ZC3H13: variants seen among roughly 807,000 people sequenced by gnomAD.
The protein encoded by ZC3H13 is zinc finger CCCH domain-containing protein 13.
ZC3H13 carries 64 observed loss-of-function variants against 204.1 expected under a neutral mutation model. That is an observed-to-expected ratio of 0.31 (90% confidence interval 0.26 to 0.39). The LOEUF is 0.39. ZC3H13 is among the 10% of genes least tolerant of loss of function. ZC3H13 has a pLI of 1.00. For synonymous variants in ZC3H13, 667 were observed against 693.7 expected (o/e 0.96, Z 0.60); for missense variants, 1,833 against 2,082.7 (o/e 0.88, Z 2.33).
At chr13:45,985,269 T>G (rs1340884652) in intron 10 of ZC3H13, 28 bp downstream of exon 10, 2 of 1,549,116 alleles carry the variant, frequency 1.3e-6, no homozygotes, top group East Asian at 4.5e-5. Flanking sequence ...ATATAAGATA[T>G]AGTTCATAGA....
chr13:46,046,449 G>A (rs2043962863), intron 1 of ZC3H13, among the ~76,000 whole-genome samples: 2 of 147,590 alleles, frequency 1.4e-5, no homozygotes, highest in African/African-American at 5.1e-5. Context: ...ATGAGGTCAG[G>A]AGATCGAGAC....
intron 4 of ZC3H13, among the ~76,000 whole-genome samples, chr13:46,032,362 C>CAAAAAAAAA (rs11323386): frequency 4.0e-5 from 4 of 99,656 alleles, no homozygotes; most frequent in Non-Finnish European, 6.5e-5. Context: ...AGAAAAAGAC[C>CAAAAAAAAA]AAAAAAAAAA....
chr13:46,030,571 A>G (rs1319994630), intron 4 of ZC3H13, among the ~76,000 whole-genome samples: 1 of 152,198 alleles, frequency 6.6e-6, no homozygotes, highest in Non-Finnish European at 1.5e-5. Flanking sequence ...AGCAATCAAG[A>G]CTGCGGGTGG....
chr13:46,050,799 T>C (rs1297355199), intron 1 of ZC3H13, among the ~76,000 whole-genome samples: 1 of 139,836 alleles, frequency 7.2e-6, no homozygotes, highest in Non-Finnish European at 1.5e-5. Context: ...ACTGCAGTAC[T>C]ATGCAGAAAA....
chr13:46,008,327 A>C (rs1341950400), intron 7 of ZC3H13, among the ~76,000 whole-genome samples: 2 of 152,058 alleles, frequency 1.3e-5, no homozygotes, highest in Non-Finnish European at 2.9e-5. Context: ...TCCAAAAAAA[A>C]AAAAAGAAAA....
chr13:46,036,367 T>G (rs373289925), intron 4 of ZC3H13, among the ~76,000 whole-genome samples: 136 of 152,284 alleles, frequency 8.9e-4, no homozygotes, highest in African/African-American at 3.1e-3. Flanking sequence ...ACCTATAGAC[T>G]GAGAATTGAA....
intron 13 of ZC3H13, 50 bp downstream of exon 13, chr13:45,970,312 G>T: frequency 6.3e-7 from 1 of 1,579,290 alleles, no homozygotes; most frequent in South Asian, 1.1e-5. Context: ...ATGGTTTCAT[G>T]GTTACAAATG....
intron 16 of ZC3H13, among the ~76,000 whole-genome samples, chr13:45,964,685 T>A (rs1419040408): frequency 1.3e-5 from 2 of 152,054 alleles, no homozygotes; most frequent in East Asian, 1.9e-4. Context: ...AAAGAAAAGA[T>A]CCTCACTGTG....
In ZC3H13 at chr13:45,965,359, G is replaced by A. The variant is rs1951995473; in HGVS notation, c.4395C>T (p.Ile1465=). The A allele has an allele frequency of 6.2e-7, 1 of 1,613,520 alleles. No homozygotes were observed. The highest frequency in any genetic ancestry group is 1.3e-5 in the African/African-American group (1 of 74,958). Residue 1465 remains isoleucine, a synonymous_variant, in exon 16 of 19, where the codon ATC becomes ATT. Transcript: ENST00000679008. The part of the protein sequence containing the change: ...GSGAGEGYEP[I]SDDELDEILA... Reference sequence around the variant, plus strand: ...GAATTTCATCTAGTTCGTCATCACTGATTGGCTCGTATCCTTCTCCAGCAC... The same window carrying A: ...GAATTTCATCTAGTTCGTCATCACTAATTGGCTCGTATCCTTCTCCAGCAC...
At chr13:46,046,933 G>A (rs997652837) in intron 1 of ZC3H13, among the ~76,000 whole-genome samples, 6 of 152,026 alleles carry the variant, frequency 3.9e-5, no homozygotes, top group Non-Finnish European at 8.8e-5. Flanking sequence ...ACTATATCCC[G>A]CTTTATACAA....
intron 8 of ZC3H13, 92 bp downstream of exon 8, chr13:46,003,047 A>G: frequency 7.6e-7 from 1 of 1,307,454 alleles, no homozygotes. Flanking sequence ...AAACTAAAAA[A>G]CCCAATATGC....
At chr13:46,045,339 T>G in intron 2 of ZC3H13, 52 bp downstream of exon 2, 2 of 1,439,412 alleles carry the variant, frequency 1.4e-6, no homozygotes, top group Non-Finnish European at 1.9e-6. Flanking sequence ...AATAAGCATT[T>G]CAATAATAGA....
rs71184436 is a variant in ZC3H13 at position 46,051,996 on chromosome 13, G to GGAAAAAAA, written c.-10+407_-10+408insTTTTTTTC. 46 of 120,084 alleles carry GGAAAAAAA rather than the reference G, an allele frequency of 3.8e-4. 1 individual carries two copies. The highest frequency in any genetic ancestry group is 1.2e-3 in the African/African-American group (36 of 29,876). 7.4% of individuals were successfully genotyped at this position (120,084 alleles called of 1,614,324 possible). A position where few individuals can be genotyped will look rare whatever the true frequency, so the allele number is the denominator to read the frequency against. On this transcript the variant is annotated intron_variant, in intron 1 of 18. Transcript: ENST00000679008. ...ACCTAAATCGTTATCACTGCTGAGG[G>GGAAAAAAA]AAAAAAAAAAAAACAAGACCAATCA... is the stretch of plus-strand genomic sequence containing the variant.
chr13:45,982,612 C>T (rs1322581650), intron 10 of ZC3H13, among the ~76,000 whole-genome samples: 2 of 152,058 alleles, frequency 1.3e-5, no homozygotes, highest in Non-Finnish European at 2.9e-5. Flanking sequence ...AGGCTGAATG[C>T]CCTTTATCTG....
At chr13:45,957,560 C>A (rs1951351231) in intron 18 of ZC3H13, among the ~76,000 whole-genome samples, 1 of 152,184 alleles carries the variant, frequency 6.6e-6, no homozygotes, top group African/African-American at 2.4e-5. Flanking sequence ...AGGTAATCAA[C>A]CGGTTTTTAC....
Position 45,975,704 on chromosome 13 carries a change from G to T in ZC3H13, c.2047C>A (p.Arg683=). The T allele has an allele frequency of 6.2e-7, 1 of 1,611,900 alleles. No individual in the cohort carries two copies. The highest frequency in any genetic ancestry group is 8.5e-7 in the Non-Finnish European group (1 of 1,179,382). Reference sequence around the variant, plus strand: ...CTCTCCCGCTCCCTGTCTCGTTCTCGTTCCCGATCTCTCTCTCTAGCCCTT... The same window carrying T: ...CTCTCCCGCTCCCTGTCTCGTTCTCTTTCCCGATCTCTCTCTCTAGCCCTT... The part of the protein sequence containing the change: ...DERARERDRE[R]ERDRERERER... Residue 683 remains arginine, a synonymous_variant, in exon 12 of 19, where the codon CGA becomes AGA. Transcript: ENST00000679008.
chr13:45,971,895 G>GA (rs759027929), intron 12 of ZC3H13, among the ~76,000 whole-genome samples: 19 of 152,000 alleles, frequency 1.3e-4, no homozygotes, highest in Non-Finnish European at 1.9e-4. Flanking sequence ...ACAAACGTAT[G>GA]AAAAAATGCT....
At chr13:46,030,268 C>T (rs2042813327) in intron 4 of ZC3H13, among the ~76,000 whole-genome samples, 1 of 152,190 alleles carries the variant, frequency 6.6e-6, no homozygotes, top group Non-Finnish European at 1.5e-5. Context: ...CTACGGCTAA[C>T]GTCATACCTA....
At chr13:46,021,254 G>A (rs2042201326) in intron 4 of ZC3H13, among the ~76,000 whole-genome samples, 1 of 151,684 alleles carries the variant, frequency 6.6e-6, no homozygotes, top group Non-Finnish European at 1.5e-5. Context: ...TTTTATTCCA[G>A]GTATAAAAGC....
Sources: allele counts gnomAD v4.1 joint callset (sites outside exome capture counted in the v4.1 genomes callset), GRCh38; gene constraint gnomAD v4.1.1; transcripts MANE v1.5; gene names NCBI Gene and HGNC (gene_info 2026-07-23, HGNC 2026-07-21).